The following PPP1R9A variants were observed in gnomAD, a reference collection of about 807,000 sequenced individuals.
The protein encoded by PPP1R9A is protein phosphatase 1 regulatory subunit 9A, also known as neurabin-1.
PPP1R9A carries 59 observed loss-of-function variants against 141.9 expected under a neutral mutation model. That is an observed-to-expected ratio of 0.42 (90% confidence interval 0.34 to 0.52). The LOEUF (loss-of-function observed/expected upper bound fraction) is 0.52. PPP1R9A is among the 20% of genes least tolerant of loss of function. PPP1R9A has a pLI of 0.10. For synonymous variants in PPP1R9A, 500 were observed against 569.7 expected, an observed-to-expected ratio of 0.88 and a Z score of 1.74; for missense variants, 1,444 against 1,611.9, an observed-to-expected ratio of 0.90 and a Z score of 1.78.
chr7:95,000,310 C>G (rs1251414519), intron 2 of PPP1R9A, among the ~76,000 whole-genome samples: 1 of 152,168 alleles, frequency 6.6e-6, no homozygotes, highest in Non-Finnish European at 1.5e-5. Context: ...ACAGGCCTAA[C>G]AGATCTCAAG....
At chr7:95,034,052 T>C (rs1465762218) in intron 2 of PPP1R9A, among the ~76,000 whole-genome samples, 1 of 152,188 alleles carries the variant, frequency 6.6e-6, no homozygotes, top group Non-Finnish European at 1.5e-5. Context: ...AGAAACTTTT[T>C]TGTGAATTTA....
At chr7:94,951,502 A>G (rs73423089) in intron 2 of PPP1R9A, among the ~76,000 whole-genome samples, 3,800 of 152,238 alleles carry the variant, frequency 0.025, 172 homozygotes, top group African/African-American at 0.087. Context: ...ATATAATCAT[A>G]TAAGATTTCT....
chr7:95,101,947 G>A (rs1818850314), intron 2 of PPP1R9A, among the ~76,000 whole-genome samples: 1 of 152,116 alleles, frequency 6.6e-6, no homozygotes, highest in African/African-American at 2.4e-5. Context: ...GTTAAGGAGA[G>A]CATCCAGCCT....
In PPP1R9A at chr7:94,910,211, C is replaced by T. The variant is rs1791297234; in HGVS notation, c.98C>T (p.Thr33Ile). Residue 33 changes from threonine (T) to isoleucine (I), a missense_variant, in exon 2 of 20, where the codon ACC (threonine) becomes ATC (isoleucine). Physicochemically the swap from Thr to Ile is moderately conservative, Grantham distance 89 (BLOSUM62 -1). Transcript: ENST00000433360. This position sits in a 1 kb window ranked among gnomAD's most constrained non-coding sequence, Gnocchi z 4.5. ...ACTGAGTTTCAGGCACTGAAAAGTA[C>T]CTTTGACAAACCCAAGTCAGATGGG... ...YRTEFQALKS[T>I]FDKPKSDGEQ... The T allele has an allele frequency of 6.2e-7, 1 of 1,614,000 alleles. No homozygotes were observed. The highest frequency in any genetic ancestry group is 8.5e-7 in the Non-Finnish European group (1 of 1,179,974).
chr7:94,909,398 A>C (rs1349253684), intron 1 of PPP1R9A, among the ~76,000 whole-genome samples: 1 of 152,232 alleles, frequency 6.6e-6, no homozygotes, highest in Non-Finnish European at 1.5e-5. Context: ...AAAAAAAGTA[A>C]AATATGCCGC....
intron 7 of PPP1R9A, among the ~76,000 whole-genome samples, chr7:95,224,794 G>A (rs777320429): frequency 3.3e-5 from 5 of 151,984 alleles, no homozygotes; most frequent in Non-Finnish European, 5.9e-5. Context: ...GCAATCAGAT[G>A]CTGAGCCTAT....
intron 2 of PPP1R9A, among the ~76,000 whole-genome samples, chr7:94,941,101 A>G (rs1337753988): frequency 3.3e-5 from 5 of 152,160 alleles, no homozygotes; most frequent in African/African-American, 9.6e-5. Flanking sequence ...AATATTTTTT[A>G]AAATTCAGAA....
intron 7 of PPP1R9A, among the ~76,000 whole-genome samples, chr7:95,217,559 T>G (rs1476837236): frequency 6.6e-6 from 1 of 152,232 alleles, no homozygotes; most frequent in African/African-American, 2.4e-5. Flanking sequence ...CAGCTCCTCC[T>G]TGTACCTCTG....
intron 2 of PPP1R9A, among the ~76,000 whole-genome samples, chr7:94,940,189 T>G (rs1795187199): frequency 6.6e-6 from 1 of 152,110 alleles, no homozygotes; most frequent in Non-Finnish European, 1.5e-5. Flanking sequence ...ACTAATCCTT[T>G]TATAACATCT....
At chr7:95,178,528 C>T (rs749291218) in intron 5 of PPP1R9A, among the ~76,000 whole-genome samples, 24 of 151,402 alleles carry the variant, frequency 1.6e-4, no homozygotes, top group Non-Finnish European at 2.8e-4. Flanking sequence ...GGGAAATAAC[C>T]AAGATCAGAG....
chr7:94,990,988 A>G (rs905171891), intron 2 of PPP1R9A, among the ~76,000 whole-genome samples: 2 of 152,050 alleles, frequency 1.3e-5, no homozygotes. Context: ...GGCTATTGTG[A>G]ATAGTGCTGT....
At chr7:95,113,316 C>A (rs547131160) in intron 3 of PPP1R9A, among the ~76,000 whole-genome samples, 20 of 151,888 alleles carry the variant, frequency 1.3e-4, no homozygotes, top group African/African-American at 4.8e-4. Flanking sequence ...AAGAGAAAAA[C>A]GACAATGGAG....
chr7:95,094,423 A>G (rs1464044330), intron 2 of PPP1R9A, among the ~76,000 whole-genome samples: 3 of 152,184 alleles, frequency 2.0e-5, no homozygotes, highest in Non-Finnish European at 4.4e-5. Context: ...ACTCTACTCC[A>G]TCCCGTCTTC....
At position 95,284,318 on chromosome 7, in the gene PPP1R9A, C is replaced by T. The variant is rs779353459; in HGVS notation, c.3597C>T (p.Ile1199=). The part of the protein sequence containing the change: ...RHSQLMSVVW[I]QETNNFTFND... Reference sequence around the variant, plus strand: ...CTCAACTTATGTCTGTAGTCTGGATCCAAGAAACCAATGTAATAACACTGC... The same window carrying T: ...CTCAACTTATGTCTGTAGTCTGGATTCAAGAAACCAATGTAATAACACTGC... The change falls in exon 17 of 20, where the codon ATC becomes ATT. Residue 1199 remains isoleucine (I), a synonymous_variant. Coordinates refer to ENST00000433360, the MANE Select transcript of PPP1R9A (RefSeq NM_001166160.2). 6.7e-7 allele frequency: 1 copy of T among 1,491,086 alleles called. No individual in the cohort carries two copies. Among genetic ancestry groups the T allele is most frequent in the South Asian group, 1.2e-5 (1 of 83,668 alleles). The allele number at this position is 1,491,086 out of a possible 1,614,324, so 92.4% of individuals were successfully genotyped here. A position where few individuals can be genotyped will look rare whatever the true frequency, so the allele number is the denominator to read the frequency against.
At chr7:95,185,345 T>C (rs1168380494) in intron 5 of PPP1R9A, among the ~76,000 whole-genome samples, 7 of 150,230 alleles carry the variant, frequency 4.7e-5, no homozygotes, top group Non-Finnish European at 7.4e-5. Flanking sequence ...TTGAGAACTG[T>C]CTATTCATGT....
At chr7:95,132,377 T>G (rs1310135298) in intron 4 of PPP1R9A, among the ~76,000 whole-genome samples, 4 of 152,236 alleles carry the variant, frequency 2.6e-5, no homozygotes, top group African/African-American at 9.6e-5. Context: ...CCTAGTTTCT[T>G]GAGGTTTTCA....
At chr7:95,029,971 G>T (rs181569827) in intron 2 of PPP1R9A, among the ~76,000 whole-genome samples, 10 of 152,298 alleles carry the variant, frequency 6.6e-5, no homozygotes, top group East Asian at 1.9e-4. Context: ...AGGTACTAGG[G>T]CTCTCGCCTT....
At chr7:95,232,887 A>G (rs1585377131) in intron 8 of PPP1R9A, among the ~76,000 whole-genome samples, 1 of 152,064 alleles carries the variant, frequency 6.6e-6, no homozygotes, top group African/African-American at 2.4e-5. Context: ...TGGAGAGGAT[A>G]TGGAGAAATA....
intron 7 of PPP1R9A, among the ~76,000 whole-genome samples, chr7:95,209,454 G>A (rs1791617632): frequency 6.6e-6 from 1 of 152,120 alleles, no homozygotes; most frequent in African/African-American, 2.4e-5. Context: ...AATCAGTATT[G>A]GAGTGGTCCA....
Sources: allele counts gnomAD v4.1 joint callset (sites outside exome capture counted in the v4.1 genomes callset), GRCh38; gene constraint gnomAD v4.1.1; non-coding constraint Gnocchi (gnomAD v3.1); transcripts MANE v1.5; gene names NCBI Gene and HGNC (gene_info 2026-07-23, HGNC 2026-07-21).